Variants in KALRN observed in about 807,000 individuals in gnomAD.
The protein encoded by KALRN is kalirin.
In KALRN, 70 loss-of-function variants were observed where a neutral mutation model predicts 353.7. The observed-to-expected ratio is 0.20, with a 90% confidence interval of 0.16 to 0.24. The LOEUF is 0.24. KALRN is among the 10% of genes least tolerant of loss of function. The pLI, the probability that KALRN is intolerant of heterozygous loss-of-function variation, is 1.00. For missense variants in KALRN, 2,791 were observed against 3,756.7 expected (o/e 0.74, Z 6.72); for synonymous variants, 1,391 against 1,434.8 (o/e 0.97, Z 0.69).
intron 33 of KALRN, among the ~76,000 whole-genome samples, chr3:124,546,356 TG>T (rs1475043021): frequency 6.6e-6 from 1 of 150,944 alleles, no homozygotes. Flanking sequence ...CCCAGCTACT[TG>T]GGAGGCTGAG....
chr3:124,519,942 G>A, intron 33 of KALRN: 1 of 935,800 alleles, frequency 1.1e-6, no homozygotes, highest in South Asian at 4.9e-5. Flanking sequence ...CCACTTTCCA[G>A]AAAGATCTGT....
At chr3:124,162,725 C>G (rs895911964) in intron 1 of KALRN, 10 of 152,276 alleles carry the variant, frequency 6.6e-5, no homozygotes, top group African/African-American at 2.2e-4. Context: ...GGAAGCTCCT[C>G]CTTGCACAGT....
intron 3 of KALRN, among the ~76,000 whole-genome samples, chr3:124,259,290 C>T (rs2072507430): frequency 6.6e-6 from 1 of 152,282 alleles, no homozygotes; most frequent in South Asian, 2.1e-4. Flanking sequence ...CCAGGTTTCT[C>T]TTGGAGAAGC....
chr3:124,548,410 T>C (rs1328884814), intron 33 of KALRN, among the ~76,000 whole-genome samples: 1 of 152,212 alleles, frequency 6.6e-6, no homozygotes, highest in South Asian at 2.1e-4. Flanking sequence ...AATATTCTAA[T>C]GGGACCTACA....
rs188162597 is a variant in KALRN at position 124,499,634 on chromosome 3, A to G, written c.4935+3221A>G. On this transcript the variant is annotated intron_variant, in intron 33 of 59. Transcript: ENST00000682506. ...TGATGTAGCTTCAACTCACCTGTCT[A>G]TAAAAAGAACTTTACTCTCTTTTCC... Among the ~76,000 whole-genome samples, 330 of 152,358 alleles carry G rather than the reference A, an allele frequency of 2.2e-3. 1 individual carries two copies. The highest frequency in any genetic ancestry group is 6.8e-3 in the Middle Eastern group (2 of 294).
chr3:124,195,434 G>A (rs556586443), intron 1 of KALRN, among the ~76,000 whole-genome samples: 1 of 152,270 alleles, frequency 6.6e-6, no homozygotes, highest in South Asian at 2.1e-4. Context: ...AGCTGGGTCT[G>A]ACTTTCTAAG....
intron 13 of KALRN, among the ~76,000 whole-genome samples, chr3:124,406,379 G>A (rs927142914): frequency 6.6e-6 from 1 of 152,150 alleles, no homozygotes; most frequent in Non-Finnish European, 1.5e-5. Context: ...TGGTACTTTA[G>A]CTATTTTATT....
chr3:124,373,723 A>C (rs997072959), intron 10 of KALRN, among the ~76,000 whole-genome samples: 2 of 152,102 alleles, frequency 1.3e-5, no homozygotes, highest in Non-Finnish European at 2.9e-5. Flanking sequence ...ATGAATGAAC[A>C]CCAGTCATAC....
intron 2 of KALRN, 111 bp from the exon 3 acceptor site, chr3:124,234,718 G>T: frequency 1.3e-6 from 1 of 780,924 alleles, no homozygotes; most frequent in Non-Finnish European, 2.1e-6. Context: ...GATTTCTCTG[G>T]ATACCCTATT....
At position 124,477,228 on chromosome 3, in the gene KALRN, A is replaced by T. The variant is rs1418193195; in HGVS notation, c.4102-17A>T. 6.4e-7 allele frequency: 1 copy of T among 1,566,146 alleles called. No homozygotes were observed. The highest frequency in any genetic ancestry group is 8.8e-7 in the Non-Finnish European group (1 of 1,136,600). The stretch of plus-strand genomic sequence containing the variant: ...AACTAATGAATGCTTATCTATTATT[A>T]TCTTTGTTCTTTTTAGGCAGACAAA... On this transcript the variant is annotated splice_polypyrimidine_tract_variant and intron_variant, in intron 26 of 59. Coordinates refer to ENST00000682506, the MANE Select transcript of KALRN (RefSeq NM_001388419.1).
At chr3:124,085,353 A>T (rs778520471) in intron 1 of KALRN, among the ~76,000 whole-genome samples, 2 of 152,224 alleles carry the variant, frequency 1.3e-5, no homozygotes, top group African/African-American at 2.4e-5. Flanking sequence ...TGCTGACCAA[A>T]GTCCCATAAG....
intron 58 of KALRN, 30 bp downstream of exon 58, chr3:124,713,165 G>T: frequency 1.3e-6 from 2 of 1,566,752 alleles, no homozygotes; most frequent in Non-Finnish European, 1.7e-6. Flanking sequence ...CTCTAAAGTC[G>T]CCTGCATCCA....
intron 1 of KALRN, among the ~76,000 whole-genome samples, chr3:124,041,183 G>A (rs1365836781): frequency 6.6e-6 from 1 of 152,084 alleles, no homozygotes; most frequent in Non-Finnish European, 1.5e-5. Flanking sequence ...CTATGAAGGA[G>A]GCTGAGAAGG....
chr3:124,071,304 C>A, intron 1 of KALRN, among the ~76,000 whole-genome samples: 1 of 152,184 alleles, frequency 6.6e-6, no homozygotes, highest in African/African-American at 2.4e-5. Flanking sequence ...ATCTCTATTT[C>A]TCCCAACAAC....
intron 1 of KALRN, among the ~76,000 whole-genome samples, chr3:124,169,408 TG>T (rs1341973514): frequency 6.6e-6 from 1 of 152,156 alleles, no homozygotes; most frequent in Non-Finnish European, 1.5e-5. Context: ...GGAATGGAAC[TG>T]CCTATCTCTC....
chr3:124,570,004 C>T (rs1375029107), intron 34 of KALRN, among the ~76,000 whole-genome samples: 2 of 152,206 alleles, frequency 1.3e-5, no homozygotes, highest in African/African-American at 2.4e-5. Context: ...CCAGCCTGTT[C>T]AACAGATTGT....
At chr3:124,120,449 A>C (rs1472354599) in intron 1 of KALRN, among the ~76,000 whole-genome samples, 1 of 152,148 alleles carries the variant, frequency 6.6e-6, no homozygotes, top group Non-Finnish European at 1.5e-5. Flanking sequence ...CTTAGCGAGC[A>C]TGTTGAGGGG....
At chr3:124,300,149 C>T (rs148272632) in intron 6 of KALRN, among the ~76,000 whole-genome samples, 21 of 152,218 alleles carry the variant, frequency 1.4e-4, no homozygotes, top group Non-Finnish European at 2.5e-4. Context: ...AGTTAACACA[C>T]TGGAGAAGAA....
intron 10 of KALRN, among the ~76,000 whole-genome samples, chr3:124,348,563 C>T (rs994917321): frequency 6.6e-6 from 1 of 152,146 alleles, no homozygotes; most frequent in South Asian, 2.1e-4. Flanking sequence ...TAAAGAAAGC[C>T]TCATATAGAA....
Sources: gnomAD v4.1 joint callset for allele counts (sites outside exome capture counted in the v4.1 genomes callset) on GRCh38, gnomAD v4.1.1 for gene constraint, MANE v1.5 for transcripts, NCBI Gene and HGNC (gene_info 2026-07-23, HGNC 2026-07-21) for gene names.